ATP9B: variants seen among roughly 807,000 people sequenced by gnomAD.
ATP9B encodes the protein ATPase phospholipid transporting 9B.
ATP9B carries 110 observed loss-of-function variants against 146.1 expected under a neutral mutation model. That is an observed-to-expected ratio of 0.75 (90% confidence interval 0.65 to 0.88). The LOEUF (loss-of-function observed/expected upper bound fraction) is 0.88, where lower values mean the gene tolerates loss of function less well. ATP9B is among the 40% of genes least tolerant of loss of function. The pLI, the probability that ATP9B is intolerant of heterozygous loss-of-function variation, is 0.00. For missense variants in ATP9B, 1,499 were observed against 1,496.4 expected (o/e 1.00, Z -0.03); for synonymous variants, 604 against 569.7 (o/e 1.06, Z -0.86).
chr18:79,349,599 TC>T (rs1191655064), intron 25 of ATP9B, among the ~76,000 whole-genome samples: 3 of 152,214 alleles, frequency 2.0e-5, no homozygotes, highest in Non-Finnish European at 4.4e-5. Context: ...TCCCAGGAGT[TC>T]CTCACAATTT....
At chr18:79,149,420 G>A (rs1019942208) in intron 6 of ATP9B, among the ~76,000 whole-genome samples, 22 of 151,094 alleles carry the variant, frequency 1.5e-4, no homozygotes, top group Non-Finnish European at 2.7e-4. Context: ...GGCATCCTGA[G>A]GTTTAAAAAA....
chr18:79,237,285 T>C (rs912777442), intron 11 of ATP9B, among the ~76,000 whole-genome samples: 7 of 141,942 alleles, frequency 4.9e-5, no homozygotes, highest in Non-Finnish European at 7.6e-5. Flanking sequence ...CCTTCCCCAC[T>C]GTGTACACGG....
At chr18:79,155,753 C>CTTTTTTTT (rs56002235) in intron 7 of ATP9B, among the ~76,000 whole-genome samples, 3 of 74,072 alleles carry the variant, frequency 4.1e-5, no homozygotes, top group African/African-American at 6.6e-5. Flanking sequence ...TGTTTTCTCT[C>CTTTTTTTT]TTTTTTTTTT....
chr18:79,242,666 ATTTC>A (rs915049581), intron 11 of ATP9B, among the ~76,000 whole-genome samples: 2 of 152,312 alleles, frequency 1.3e-5, no homozygotes, highest in African/African-American at 2.4e-5. Context: ...CACGCCATGC[ATTTC>A]TTTATTTGGA....
At chr18:79,196,877 A>C (rs1390136592) in intron 9 of ATP9B, among the ~76,000 whole-genome samples, 1 of 152,228 alleles carries the variant, frequency 6.6e-6, no homozygotes, top group Non-Finnish European at 1.5e-5. Context: ...CTATAAGATA[A>C]TAAAGTCCGT....
chr18:79,330,473 C>T lies in ATP9B; in HGVS notation c.2028+369C>T, dbSNP rs192409663. Among the ~76,000 whole-genome samples, 10 of 150,832 alleles carry T rather than the reference C, an allele frequency of 6.6e-5. No homozygotes were observed. In the East Asian group the frequency reaches 1.4e-3, roughly 21 times the overall value. The stretch of plus-strand genomic sequence containing the variant: ...TGTCACCCAGGCTGGAGTGCAGTAG[C>T]GCAATCTTGGCTCTCTGCAACCTGC... On this transcript the variant is annotated intron_variant, in intron 17 of 29. Transcript: ENST00000426216.
rs768142469 is a variant in ATP9B at position 79,372,838 on chromosome 18, C to G, written c.3026C>G (p.Ser1009Cys). The G allele has an allele frequency of 6.2e-7, 1 of 1,610,920 alleles. No individual in the cohort carries two copies. Among genetic ancestry groups the G allele is most frequent in the South Asian group, 1.1e-5 (1 of 90,996 alleles). Residue 1009 changes from serine (S) to cysteine (C), a missense_variant, in exon 27 of 30, where the codon TCC (serine) becomes TGC (cysteine). Coordinates refer to ENST00000426216, the MANE Select transcript of ATP9B (RefSeq NM_198531.5). Reference protein sequence around the residue: ...YKDLTKGRSLSFKTFLIWVLI... With the variant: ...YKDLTKGRSLCFKTFLIWVLI... ...CTGTTTCCCTAGGGAAGATCCTTGT[C>G]CTTCAAAACCTTCCTCATCTGGGTT...
chr18:79,233,683 G>A (rs1398684637), intron 11 of ATP9B, among the ~76,000 whole-genome samples: 1 of 152,144 alleles, frequency 6.6e-6, no homozygotes, highest in African/African-American at 2.4e-5. Flanking sequence ...AAATACAGTT[G>A]ACCAATGAGC....
intron 13 of ATP9B, among the ~76,000 whole-genome samples, chr18:79,288,425 G>A (rs1488635305): frequency 1.3e-5 from 2 of 152,086 alleles, no homozygotes; most frequent in African/African-American, 4.8e-5. Flanking sequence ...ATCAGAGACT[G>A]GGATTGCAAC....
chr18:79,347,614 T>C (rs1460762175), intron 23 of ATP9B, among the ~76,000 whole-genome samples, 156 bp from the exon 24 acceptor site: 1 of 152,224 alleles, frequency 6.6e-6, no homozygotes, highest in Non-Finnish European at 1.5e-5. Context: ...TCTGAGACCA[T>C]AGGACCTGTC....
chr18:79,290,090 C>G (rs2096486825), intron 13 of ATP9B, among the ~76,000 whole-genome samples: 2 of 152,126 alleles, frequency 1.3e-5, no homozygotes, highest in African/African-American at 4.8e-5. Context: ...AGGAGGCAGT[C>G]TGCCCGTTCT....
intron 17 of ATP9B, among the ~76,000 whole-genome samples, chr18:79,330,978 A>G (rs1430282148): frequency 6.6e-6 from 1 of 152,258 alleles, no homozygotes; most frequent in East Asian, 1.9e-4. Flanking sequence ...CTAAAATTAG[A>G]ACATAAGATA....
chr18:79,138,774 T>TAAAAAAAAAAA (rs796077711), intron 5 of ATP9B, among the ~76,000 whole-genome samples: 1 of 139,744 alleles, frequency 7.2e-6, no homozygotes, highest in Non-Finnish European at 1.6e-5. Flanking sequence ...GTTCTTACAT[T>TAAAAAAAAAAA]AAAAAAAAAA....
chr18:79,320,396 G>C (rs1007757367), intron 15 of ATP9B, among the ~76,000 whole-genome samples: 3 of 152,180 alleles, frequency 2.0e-5, no homozygotes, highest in African/African-American at 7.2e-5. Context: ...GGGTTGAGCC[G>C]AAAGTAAGAC....
chr18:79,149,931 ATTAG>A (rs2094657126), intron 6 of ATP9B, among the ~76,000 whole-genome samples: 2 of 151,784 alleles, frequency 1.3e-5, no homozygotes, highest in Admixed American at 6.6e-5. Context: ...AAATATAAAA[ATTAG>A]TTGGGTGTGG....
At chr18:79,245,914 A>ACTGACTGAGGAGGGCACCACC (rs2095951566) in intron 11 of ATP9B, among the ~76,000 whole-genome samples, 1 of 14,828 alleles carries the variant, frequency 6.7e-5, no homozygotes, top group Non-Finnish European at 1.5e-4. Flanking sequence ...GCACCGCCCT[A>ACTGACTGAGGAGGGCACCACC]CTGACTGTGC....
chr18:79,142,141 T>C (rs2094521709), intron 5 of ATP9B, among the ~76,000 whole-genome samples: 1 of 152,236 alleles, frequency 6.6e-6, no homozygotes, highest in Admixed American at 6.5e-5. Flanking sequence ...TGAGAACTTT[T>C]TATGCTGTAT....
chr18:79,128,579 C>T (rs1307573174), intron 5 of ATP9B, among the ~76,000 whole-genome samples: 1 of 152,080 alleles, frequency 6.6e-6, no homozygotes, highest in Non-Finnish European at 1.5e-5. Flanking sequence ...GAAAAAAACC[C>T]CCAAATGGCC....
rs563483092 is a variant in ATP9B, at chr18:79,123,394, AAAAG to A, written c.559-2868_559-2865del. Among the ~76,000 whole-genome samples, 330 of 152,322 alleles carry A rather than the reference AAAAG, an allele frequency of 2.2e-3. 5 individuals are homozygous for A. The highest frequency in any genetic ancestry group is 7.4e-3 in the African/African-American group (309 of 41,586). ...GAAAGCTATAAAAGAATTTTGAAAAAAAAGAAAGGTCTAAATAAGTGGAAAGTCA... is the reference window on the plus strand; with the variant it reads ...GAAAGCTATAAAAGAATTTTGAAAAAAAAGGTCTAAATAAGTGGAAAGTCA... On this transcript the variant is annotated intron_variant, in intron 4 of 29. Coordinates refer to ENST00000426216, the MANE Select transcript of ATP9B (RefSeq NM_198531.5).
Sources: allele counts gnomAD v4.1 joint callset (sites outside exome capture counted in the v4.1 genomes callset), GRCh38; gene constraint gnomAD v4.1.1; transcripts MANE v1.5; gene names NCBI Gene and HGNC (gene_info 2026-07-23, HGNC 2026-07-21).